RASEF: variants seen among roughly 807,000 people sequenced by gnomAD.
The protein encoded by RASEF is ras and EF-hand domain-containing protein.
In RASEF, 68 loss-of-function variants were observed where a neutral mutation model predicts 90.1. The ratio of observed to expected loss-of-function variants is 0.75; its 90% CI spans 0.62 to 0.92. The LOEUF is 0.92. Ranked by LOEUF, RASEF falls within the 40% of genes least tolerant of loss-of-function variation. RASEF has a pLI of 0.00. For synonymous variants in RASEF, 331 were observed against 345.2 expected, an observed-to-expected ratio of 0.96 and a Z score of 0.46; for missense variants, 949 against 937.2, an observed-to-expected ratio of 1.01 and a Z score of -0.16.
the RASEF span, among the ~76,000 whole-genome samples, chr9:83,184,407 T>C: frequency 1.3e-5 from 2 of 152,154 alleles, no homozygotes; most frequent in African/African-American, 4.8e-5. Context: ...TGTTAGCTTG[T>C]GGGGAATGCC....
At chr9:83,090,883 A>T in the RASEF span, among the ~76,000 whole-genome samples, 3 of 152,060 alleles carry the variant, frequency 2.0e-5, no homozygotes, top group African/African-American at 7.2e-5. Context: ...AATTATTATT[A>T]TGATCTTATT....
the RASEF span, among the ~76,000 whole-genome samples, chr9:83,084,534 T>C: frequency 1.3e-5 from 2 of 152,198 alleles, no homozygotes; most frequent in Non-Finnish European, 2.9e-5. Context: ...ATACCTGCAC[T>C]AAGCACTTCA....
intron 5 of RASEF, among the ~76,000 whole-genome samples, chr9:83,010,872 C>T (rs1311362397): frequency 6.6e-6 from 1 of 152,026 alleles, no homozygotes. Context: ...GGATCCTACA[C>T]CAGCTACCTT....
chr9:83,129,332 G>A, the RASEF span, among the ~76,000 whole-genome samples: 11 of 151,878 alleles, frequency 7.2e-5, no homozygotes, highest in South Asian at 6.3e-4. Flanking sequence ...GCATGAGCCC[G>A]GGAGGCGGAG....
chr9:83,068,044 T>C (rs1830296455), upstream of RASEF, among the ~76,000 whole-genome samples: 1 of 152,012 alleles, frequency 6.6e-6, no homozygotes, highest in Non-Finnish European at 1.5e-5. Flanking sequence ...TCCCAGTTAA[T>C]TTTTTTTGTA....
chr9:83,207,897 C>T, the RASEF span, among the ~76,000 whole-genome samples: 10 of 152,280 alleles, frequency 6.6e-5, no homozygotes, highest in East Asian at 7.7e-4. Flanking sequence ...TGAACCACCG[C>T]GCCTGGCCAA....
chr9:83,175,536 T>C, the RASEF span, among the ~76,000 whole-genome samples: 8 of 152,172 alleles, frequency 5.3e-5, no homozygotes, highest in Non-Finnish European at 1.2e-4. Context: ...ATTTTGTGTA[T>C]ATTAATTTCA....
At chr9:83,076,154 G>A in the RASEF span, among the ~76,000 whole-genome samples, 2 of 146,510 alleles carry the variant, frequency 1.4e-5, no homozygotes, top group Middle Eastern at 3.5e-3. Flanking sequence ...GTGACAGAGC[G>A]AGACTGTCTC....
chr9:83,112,557 C>T, the RASEF span, among the ~76,000 whole-genome samples: 1 of 152,034 alleles, frequency 6.6e-6, no homozygotes, highest in East Asian at 1.9e-4. Flanking sequence ...CATGGTGGCT[C>T]ATGCCTGTAA....
intron 1 of RASEF, among the ~76,000 whole-genome samples, chr9:83,056,795 C>A (rs776440479): frequency 6.6e-6 from 1 of 152,146 alleles, no homozygotes; most frequent in Non-Finnish European, 1.5e-5. Context: ...TCTTTTTAAG[C>A]CTTTTTCTTT....
intron 4 of RASEF, among the ~76,000 whole-genome samples, chr9:83,013,657 T>C (rs1036052446): frequency 5.9e-5 from 9 of 152,174 alleles, no homozygotes; most frequent in Non-Finnish European, 1.2e-4. Flanking sequence ...GCACAAACTG[T>C]GTAGTAAGAT....
chr9:83,211,654 T>C, the RASEF span, among the ~76,000 whole-genome samples: 2 of 152,188 alleles, frequency 1.3e-5, no homozygotes, highest in Admixed American at 1.3e-4. Context: ...CTTTTCTCAT[T>C]ACATTGCACA....
chr9:83,100,508 T>TA, the RASEF span, among the ~76,000 whole-genome samples: 1 of 152,224 alleles, frequency 6.6e-6, no homozygotes, highest in African/African-American at 2.4e-5. Context: ...CACAGAATAT[T>TA]ATGTGAATCA....
chr9:83,163,368 A>T, the RASEF span, among the ~76,000 whole-genome samples: 27 of 152,212 alleles, frequency 1.8e-4, no homozygotes, highest in African/African-American at 5.8e-4. Context: ...AAGACATCAC[A>T]CATAGTTTGA....
intron 1 of RASEF, chr9:83,048,392 G>A (rs764109258): frequency 5.1e-6 from 5 of 985,318 alleles, no homozygotes; most frequent in East Asian, 1.1e-4. Context: ...CATCTACCTC[G>A]TGATTCTTGC....
chr9:82,994,098 C>T (rs1397844947), intron 14 of RASEF, among the ~76,000 whole-genome samples: 3 of 152,156 alleles, frequency 2.0e-5, no homozygotes, highest in African/African-American at 4.8e-5. Flanking sequence ...GATCAAAAAA[C>T]GTGCCTCAAC....
At chr9:83,020,970 A>T (rs1384743246) in intron 3 of RASEF, among the ~76,000 whole-genome samples, 2 of 152,200 alleles carry the variant, frequency 1.3e-5, no homozygotes, top group Non-Finnish European at 2.9e-5. Flanking sequence ...ATGAACCTTA[A>T]ACCATTTATG....
At chr9:82,999,434 G>C (rs1163053623) in intron 12 of RASEF, among the ~76,000 whole-genome samples, 11 of 152,108 alleles carry the variant, frequency 7.2e-5, no homozygotes, top group Admixed American at 7.2e-4. Flanking sequence ...CCTCCACTGG[G>C]ATGTAAGTGC....
At chr9:82,988,357 TCTC>T (rs1314326302) in intron 16 of RASEF, among the ~76,000 whole-genome samples, 1 of 152,092 alleles carries the variant, frequency 6.6e-6, no homozygotes, top group African/African-American at 2.4e-5. Context: ...AGTCCATGAT[TCTC>T]CTACTATTCA....
Sources: gnomAD v4.1 joint callset for allele counts (sites outside exome capture counted in the v4.1 genomes callset) on GRCh38, gnomAD v4.1.1 for gene constraint, MANE v1.5 for transcripts, NCBI Gene and HGNC (gene_info 2026-07-23, HGNC 2026-07-21) for gene names.